FAAP20: variants seen among roughly 807,000 people sequenced by gnomAD.
The protein encoded by FAAP20 is Fanconi anemia core complex-associated protein 20.
Under a neutral mutation model 16.2 loss-of-function variants are expected in FAAP20, and 12 were observed. The observed-to-expected ratio is 0.74, with a 90% confidence interval of 0.48 to 1.20. The LOEUF (loss-of-function observed/expected upper bound fraction) is 1.20. Ranked by LOEUF, FAAP20 falls within the 50% of genes most tolerant of loss-of-function variation. The pLI is 0.00. For synonymous variants in FAAP20, 141 were observed against 110.7 expected (o/e 1.27, Z -1.72); for missense variants, 288 against 245.8 (o/e 1.17, Z -1.15).
chr1:2,196,167 C>G (rs994654340), upstream of FAAP20, among the ~76,000 whole-genome samples: 3 of 152,184 alleles, frequency 2.0e-5, no homozygotes, highest in Non-Finnish European at 2.9e-5. The surrounding 1 kb of genome is among the most constrained non-coding windows in gnomAD (Gnocchi z 4.5). Flanking sequence ...TCCTGGCTGC[C>G]CTGGCTTCAG....
At chr1:2,194,489 C>CGGGGGAAGCTCGGCGT (rs1688658356) in intron 1 of FAAP20, among the ~76,000 whole-genome samples, 199 bp downstream of exon 1, 1 of 57,752 alleles carries the variant, frequency 1.7e-5, no homozygotes, top group African/African-American at 6.7e-5. Context: ...TGGGGCGGCG[C>CGGGGGAAGCTCGGCGT]GGGGGAAGCT....
upstream of FAAP20, chr1:2,194,875 C>T (rs1219229307): frequency 1.1e-6 from 1 of 887,840 alleles, no homozygotes; most frequent in African/African-American, 1.8e-5. Context: ...GTCGGAACCC[C>T]AGGGGCCCTG....
Position 2,194,122 on chromosome 1 carries a change from C to A in FAAP20, c.74G>T (p.Gly25Val). The A allele has an allele frequency of 6.2e-7, 1 of 1,612,210 alleles. No homozygotes were observed. The highest frequency in any genetic ancestry group is 1.1e-5 in the South Asian group (1 of 91,062). ...ACCCCCCAGGAGAAACCAGGGGCGG[C>A]CGCCAGAAGGCCTGGGGCAGACAGA... Reference protein sequence around the residue: ...RPRPAGGPSGGRPWFLLGGDE... With the variant: ...RPRPAGGPSGVRPWFLLGGDE... Residue 25 changes from glycine (G) to valine (V), a missense_variant, in exon 2 of 4, where the codon GGC becomes GTC. Physicochemically the swap from Gly to Val is moderately radical, Grantham distance 109. Coordinates refer to ENST00000378546, the MANE Select transcript of FAAP20 (RefSeq NM_182533.4).
At chr1:2,195,022 G>C (rs1419349555), upstream of FAAP20, among the ~76,000 whole-genome samples, 1 of 151,648 alleles carries the variant, frequency 6.6e-6, no homozygotes, top group Non-Finnish European at 1.5e-5. Context: ...CCCCGGGCCG[G>C]AGCCCCCTCC....
At chr1:2,206,830 CAAAA>C (rs57221891) in intron 1 of FAAP20, among the ~76,000 whole-genome samples, 2 of 89,840 alleles carry the variant, frequency 2.2e-5, no homozygotes, top group Non-Finnish European at 4.4e-5. Context: ...GAGACTGTCT[CAAAA>C]AAAAAAAAAA....
intron 3 of FAAP20, 30 bp downstream of exon 3, chr1:2,193,609 C>A (rs761368478): frequency 6.3e-7 from 1 of 1,580,882 alleles, no homozygotes; most frequent in Non-Finnish European, 8.5e-7. Flanking sequence ...GGATGGATAA[C>A]CGGGCCGGGC....
intron 3 of FAAP20, chr1:2,192,844 C>T: frequency 1.6e-6 from 2 of 1,262,006 alleles, no homozygotes; most frequent in Non-Finnish European, 2.1e-6. Flanking sequence ...CAGCAACCCA[C>T]CTGCCTCAGC....
At chr1:2,184,992 A>G (rs1687361841), downstream of FAAP20, 2 of 1,613,294 alleles carry the variant, frequency 1.2e-6, no homozygotes. Flanking sequence ...ATTGCTGTCC[A>G]CCGAGGAGTC....
At chr1:2,206,814 C>T (rs1001916367) in intron 1 of FAAP20, 3 of 136,186 alleles carry the variant, frequency 2.2e-5, no homozygotes, top group Admixed American at 1.7e-4. Context: ...GCCTGGGCAA[C>T]GGAGCGAGAC....
At chr1:2,211,431 A>ATTTTT (rs1557797961), downstream of FAAP20, among the ~76,000 whole-genome samples, 1 of 15,324 alleles carries the variant, frequency 6.5e-5, no homozygotes, top group African/African-American at 5.0e-4. Context: ...ATATATATAT[A>ATTTTT]TATATTTTTT....
chr1:2,196,737 G>A (rs1389723931), upstream of FAAP20, among the ~76,000 whole-genome samples: 1 of 152,202 alleles, frequency 6.6e-6, no homozygotes, highest in East Asian at 1.9e-4. The surrounding 1 kb of genome is among the most constrained non-coding windows in gnomAD (Gnocchi z 4.5). Context: ...CTACTTGGGT[G>A]GCTGAGGCAC....
upstream of FAAP20, among the ~76,000 whole-genome samples, chr1:2,201,458 A>G (rs1158595376): frequency 6.6e-6 from 1 of 152,134 alleles, no homozygotes; most frequent in East Asian, 1.9e-4. Context: ...GGTGGCTCAC[A>G]CCTGTCAAAT....
chr1:2,198,581 C>T, upstream of FAAP20: 2 of 959,982 alleles, frequency 2.1e-6, no homozygotes, highest in Admixed American at 3.7e-5. Flanking sequence ...GGTGACGGGC[C>T]CTGAGGCTGG....
chr1:2,184,722 C>T (rs767430551), downstream of FAAP20: 1 of 1,597,234 alleles, frequency 6.3e-7, no homozygotes, highest in Non-Finnish European at 8.6e-7. Context: ...GGTGCGGGTC[C>T]CTGGAGCACC....
upstream of FAAP20, chr1:2,194,773 G>T (rs1688718672): frequency 8.5e-7 from 1 of 1,172,560 alleles, no homozygotes; most frequent in South Asian, 4.2e-5. Flanking sequence ...GGGCGGAAGT[G>T]AGCGCAAGCC....
At chr1:2,199,275 C>G, upstream of FAAP20, 1 of 1,087,592 alleles carries the variant, frequency 9.2e-7, no homozygotes, top group South Asian at 2.2e-5. The surrounding 1 kb of genome is among the most constrained non-coding windows in gnomAD (Gnocchi z 4.5). Flanking sequence ...CCTCCCACAG[C>G]CTGTCCTCCA....
upstream of FAAP20, chr1:2,198,003 A>T (rs553722783): frequency 7.9e-5 from 102 of 1,287,720 alleles, no homozygotes; most frequent in Non-Finnish European, 9.8e-5. Context: ...TCCAACAAAC[A>T]TACCTTGTCC....
At chr1:2,184,532 G>A (rs997633526), downstream of FAAP20, 2 of 1,401,162 alleles carry the variant, frequency 1.4e-6, no homozygotes. Flanking sequence ...ACTCAATCTG[G>A]TAGGGATGAT....
At chr1:2,209,557 G>A (rs369394550), downstream of FAAP20, among the ~76,000 whole-genome samples, 5 of 152,226 alleles carry the variant, frequency 3.3e-5, no homozygotes, top group East Asian at 1.9e-4. Flanking sequence ...GCCTGCACCC[G>A]GACCCTGTCG....
Sources: allele counts gnomAD v4.1 joint callset (sites outside exome capture counted in the v4.1 genomes callset), GRCh38; gene constraint gnomAD v4.1.1; non-coding constraint Gnocchi (gnomAD v3.1); transcripts MANE v1.5; gene names NCBI Gene and HGNC (gene_info 2026-07-23, HGNC 2026-07-21).